The following PRH1 variants were observed in gnomAD, a reference collection of about 807,000 sequenced individuals.
PRH1 encodes the protein proline rich protein HaeIII subfamily 1, also known as salivary acidic proline-rich phosphoprotein 1/2.
Under a neutral mutation model 7.9 loss-of-function variants are expected in PRH1, and 7 were observed. That is an observed-to-expected ratio of 0.89 (90% CI 0.50 to 1.67). The LOEUF (loss-of-function observed/expected upper bound fraction) is 1.67. PRH1 is among the 40% of genes most tolerant of loss of function. PRH1 has a pLI of 0.00. For synonymous variants in PRH1, 45 were observed against 80.8 expected (o/e 0.56, Z 2.38); for missense variants, 109 against 223.6 (o/e 0.49, Z 3.27).
intron 1 of PRH1, among the ~76,000 whole-genome samples, chr12:11,168,060 A>G (rs1397102859): frequency 6.6e-6 from 1 of 151,826 alleles, no homozygotes; most frequent in African/African-American, 2.4e-5. Context: ...TTCATTGTCT[A>G]AAAGAGAGGT....
chr12:10,985,105 T>A (rs1325272706), intron 1 of PRH1, among the ~76,000 whole-genome samples: 1 of 151,972 alleles, frequency 6.6e-6, no homozygotes, highest in Non-Finnish European at 1.5e-5. Context: ...TGACATCAGA[T>A]CTCAACTTCA....
intron 1 of PRH1, among the ~76,000 whole-genome samples, chr12:11,113,348 A>G (rs1476632070): frequency 6.6e-6 from 1 of 152,180 alleles, no homozygotes; most frequent in Non-Finnish European, 1.5e-5. Flanking sequence ...ACAGCATGGT[A>G]CTGGTACCAA....
intron 1 of PRH1, among the ~76,000 whole-genome samples, chr12:10,980,488 C>G (rs1939300493): frequency 6.6e-6 from 1 of 151,944 alleles, no homozygotes; most frequent in African/African-American, 2.4e-5. Context: ...GATTTTTGGT[C>G]ATGTTACTTT....
chr12:11,028,698 T>C (rs920682287), intron 1 of PRH1, among the ~76,000 whole-genome samples: 3 of 151,588 alleles, frequency 2.0e-5, no homozygotes, highest in Admixed American at 1.3e-4. Context: ...ACCAAAGTTG[T>C]TTATATGATT....
intron 1 of PRH1, among the ~76,000 whole-genome samples, chr12:11,099,380 C>T (rs994847389): frequency 1.1e-4 from 16 of 151,984 alleles, no homozygotes; most frequent in Non-Finnish European, 1.6e-4. Context: ...TCCAAGATGC[C>T]GAATTTGGCC....
intron 1 of PRH1, among the ~76,000 whole-genome samples, chr12:11,064,024 C>T (rs35218320): frequency 0.22 from 33,942 of 151,762 alleles, 3,845 homozygotes; most frequent in Non-Finnish European, 0.24. Context: ...TGGGAAATAC[C>T]GCAGTGTATC....
chr12:11,001,108 CT>C (rs1940569481), intron 1 of PRH1, among the ~76,000 whole-genome samples: 1 of 151,732 alleles, frequency 6.6e-6, no homozygotes, highest in Non-Finnish European at 1.5e-5. Flanking sequence ...TCTACACATC[CT>C]TCCGCAAGTT....
chr12:11,147,633 A>G (rs1946907221), intron 1 of PRH1, among the ~76,000 whole-genome samples: 1 of 152,216 alleles, frequency 6.6e-6, no homozygotes, highest in African/African-American at 2.4e-5. Flanking sequence ...TCATTTAAGC[A>G]GTGACATCAT....
intron 1 of PRH1, among the ~76,000 whole-genome samples, chr12:11,148,484 G>A (rs1592106732): frequency 6.8e-6 from 1 of 147,280 alleles, no homozygotes; most frequent in East Asian, 2.0e-4. Flanking sequence ...TTTATTGAGA[G>A]TTTTTAGCGT....
chr12:10,951,025 G>A (rs996959653), intron 2 of PRH1, among the ~76,000 whole-genome samples: 1 of 152,042 alleles, frequency 6.6e-6, no homozygotes, highest in African/African-American at 2.4e-5. Context: ...TTCAATTCTG[G>A]GACCAATGTC....
At chr12:11,036,048 A>C (rs2060703) in intron 1 of PRH1, among the ~76,000 whole-genome samples, 66,404 of 151,586 alleles carry the variant, frequency 0.44, 15,308 homozygotes, top group Non-Finnish European at 0.51. Flanking sequence ...AGCCTGCCAC[A>C]ACGCCTGGCT....
chr12:10,994,623 A>G (rs1940118987), intron 1 of PRH1, among the ~76,000 whole-genome samples: 1 of 150,422 alleles, frequency 6.6e-6, no homozygotes, highest in Admixed American at 6.7e-5. Context: ...CATCACTTTA[A>G]TATCAGACAT....
Position 10,960,802 on chromosome 12 carries a change from A to G in PRH1, c.-59+12853T>C, listed in dbSNP as rs375754984. Among the ~76,000 whole-genome samples the G allele has an allele frequency of 4.6e-5, 7 of 152,230 alleles. No homozygotes were observed. In the East Asian group the frequency reaches 1.3e-3, roughly 29 times the overall value. On this transcript the variant is annotated intron_variant, in intron 2 of 3. Transcript: ENST00000539853. ...TAAACCTCAGCAGATTCAGGAACTT[A>G]TAACATAGATGGTGTTTTTACAGGT...
At chr12:11,009,117 T>C (rs1270764611) in intron 1 of PRH1, among the ~76,000 whole-genome samples, 3 of 151,926 alleles carry the variant, frequency 2.0e-5, no homozygotes, top group African/African-American at 4.8e-5. Flanking sequence ...CCTTCTTGCA[T>C]GCTCAATTTT....
chr12:11,078,985 G>GT (rs1317543427), intron 1 of PRH1: 1 of 148,000 alleles, frequency 6.8e-6, no homozygotes, highest in Non-Finnish European at 1.5e-5. Context: ...TGGAAAATGA[G>GT]TTTCCAGGAG....
intron 1 of PRH1, among the ~76,000 whole-genome samples, chr12:11,083,988 ATGT>A (rs1944589722): frequency 1.7e-5 from 2 of 120,020 alleles, no homozygotes; most frequent in African/African-American, 5.6e-5. Flanking sequence ...ACAGTTGCAA[ATGT>A]TGTAAATCAA....
rs550930561 is a variant in PRH1, at chr12:11,073,297, A to AT, written n.124-26110dup. ...CAGCCATGTGCTACCATGCCTGGCA[A>AT]TTTTTTTTTTTTTTAAAGTAGAGAC... On this transcript the variant is annotated intron_variant and non_coding_transcript_variant, in intron 1 of 4. Coordinates refer to the PRH1 transcript ENST00000541977. 2.7e-3 allele frequency among the ~76,000 whole-genome samples: 121 copies of AT among 45,484 alleles called. 10 individuals carry two copies. The highest frequency in any genetic ancestry group is 0.02 in the East Asian group (21 of 1,050). The allele number at this position is 45,484 out of a possible 152,430, so 29.8% of individuals were successfully genotyped here. A position where few individuals can be genotyped will look rare whatever the true frequency, so the allele number is the denominator to read the frequency against.
chr12:10,956,007 T>A (rs954748452), intron 2 of PRH1, among the ~76,000 whole-genome samples: 4 of 152,020 alleles, frequency 2.6e-5, no homozygotes, highest in Non-Finnish European at 5.9e-5. Context: ...ACCATGTGTA[T>A]AAAGAACTGG....
intron 2 of PRH1, among the ~76,000 whole-genome samples, chr12:10,901,987 C>T (rs1331958558): frequency 6.6e-6 from 1 of 152,006 alleles, no homozygotes; most frequent in Non-Finnish European, 1.5e-5. Context: ...ATCAAAGGAG[C>T]ACAGTACCTC....
Sources: allele counts gnomAD v4.1 joint callset (sites outside exome capture counted in the v4.1 genomes callset), GRCh38; gene constraint gnomAD v4.1.1; transcripts MANE v1.5; gene names NCBI Gene and HGNC (gene_info 2026-07-23, HGNC 2026-07-21).